Variants in MAF observed in about 807,000 individuals in gnomAD.
MAF encodes the protein MAF bZIP transcription factor.
In MAF, 10 loss-of-function variants were observed where a neutral mutation model predicts 22.0. The ratio of observed to expected loss-of-function variants is 0.45; its 90% CI spans 0.28 to 0.77. The LOEUF (loss-of-function observed/expected upper bound fraction) is 0.77, where lower values mean the gene tolerates loss of function less well. Ranked by LOEUF, MAF falls within the 30% of genes least tolerant of loss-of-function variation. The probability of loss-of-function intolerance (pLI) is 0.12; values close to 1 mark genes in which losing one functional copy is unlikely to be tolerated. For missense variants in MAF, 544 were observed against 548.4 expected, an observed-to-expected ratio of 0.99 and a Z score of 0.08; for synonymous variants, 337 against 255.8, an observed-to-expected ratio of 1.32 and a Z score of -3.03.
chr16:79,530,890 C>T, the MAF span, among the ~76,000 whole-genome samples: 3 of 152,242 alleles, frequency 2.0e-5, no homozygotes, highest in Non-Finnish European at 2.9e-5. Context: ...TCTCTGTAGC[C>T]AGAAAGGACT....
chr16:79,340,071 C>A, the MAF span, among the ~76,000 whole-genome samples: 1 of 152,186 alleles, frequency 6.6e-6, no homozygotes, highest in Admixed American at 6.5e-5. Flanking sequence ...AGTGCCTGTT[C>A]ATCCAATTAA....
chr16:79,571,490 G>A, the MAF span, among the ~76,000 whole-genome samples: 1 of 148,410 alleles, frequency 6.7e-6, no homozygotes, highest in Non-Finnish European at 1.5e-5. Context: ...CTAGCCTGGT[G>A]CAGTATTAGC....
At chr16:79,569,279 C>G in the MAF span, among the ~76,000 whole-genome samples, 1 of 152,204 alleles carries the variant, frequency 6.6e-6, no homozygotes, top group East Asian at 1.9e-4. Flanking sequence ...CAGTGGCCCC[C>G]CTGCCTTGAG....
chr16:79,531,642 A>T, the MAF span, among the ~76,000 whole-genome samples: 3 of 152,118 alleles, frequency 2.0e-5, no homozygotes, highest in Non-Finnish European at 4.4e-5. Context: ...CGCAGTTCAC[A>T]GTAGAGTTTG....
the MAF span, among the ~76,000 whole-genome samples, chr16:79,551,208 A>T: frequency 3.3e-5 from 5 of 152,056 alleles, no homozygotes; most frequent in Admixed American, 3.3e-4. Flanking sequence ...CTCCCACCAG[A>T]TTCCCTAAGG....
At chr16:79,247,263 A>G in the MAF span, among the ~76,000 whole-genome samples, 3 of 152,242 alleles carry the variant, frequency 2.0e-5, no homozygotes, top group Non-Finnish European at 4.4e-5. Flanking sequence ...TCAAAGGAGA[A>G]TAGTTTAAGA....
the MAF span, among the ~76,000 whole-genome samples, chr16:79,422,358 G>C: frequency 6.6e-6 from 1 of 152,076 alleles, no homozygotes; most frequent in East Asian, 1.9e-4. Flanking sequence ...GTTTTTATTA[G>C]TGCTCCAATA....
the MAF span, among the ~76,000 whole-genome samples, chr16:79,248,373 C>G: frequency 6.6e-6 from 1 of 152,124 alleles, no homozygotes; most frequent in Non-Finnish European, 1.5e-5. Flanking sequence ...CGAAGCTCTC[C>G]CACTTCTTTA....
chr16:79,491,206 CA>C, the MAF span, among the ~76,000 whole-genome samples: 1 of 152,126 alleles, frequency 6.6e-6, no homozygotes, highest in African/African-American at 2.4e-5. Context: ...CTGAAAACAG[CA>C]GTGAGGACCA....
At chr16:79,258,110 C>G in the MAF span, among the ~76,000 whole-genome samples, 1 of 152,144 alleles carries the variant, frequency 6.6e-6, no homozygotes, top group Admixed American at 6.5e-5. Context: ...TTCTGTGCTG[C>G]CTGTAAGCCG....
At chr16:79,216,156 A>G in the MAF span, among the ~76,000 whole-genome samples, 1 of 150,164 alleles carries the variant, frequency 6.7e-6, no homozygotes, top group Non-Finnish European at 1.5e-5. Context: ...GCACATCTGT[A>G]TATGTATGTC....
the MAF span, among the ~76,000 whole-genome samples, chr16:79,292,841 T>A: frequency 6.6e-6 from 1 of 152,210 alleles, no homozygotes; most frequent in African/African-American, 2.4e-5. Context: ...CCAATTATAA[T>A]GCATTAGCAT....
At chr16:79,445,100 C>A in the MAF span, among the ~76,000 whole-genome samples, 1 of 152,164 alleles carries the variant, frequency 6.6e-6, no homozygotes, top group African/African-American at 2.4e-5. Flanking sequence ...GCGGCACAAT[C>A]TCGGCTCACT....
At chr16:79,332,959 C>A in the MAF span, among the ~76,000 whole-genome samples, 2 of 152,226 alleles carry the variant, frequency 1.3e-5, no homozygotes, top group African/African-American at 2.4e-5. Context: ...TCTTTTTGCA[C>A]GTCACTGCCC....
chr16:79,211,990 T>A, the MAF span: 2 of 1,536,126 alleles, frequency 1.3e-6, no homozygotes, highest in South Asian at 2.4e-5. Context: ...AAGTATCACT[T>A]TTCTGGGGCT....
chr16:79,433,202 C>T, the MAF span, among the ~76,000 whole-genome samples: 2 of 151,240 alleles, frequency 1.3e-5, no homozygotes, highest in East Asian at 1.9e-4. Flanking sequence ...ATTATTTATA[C>T]TCCTTTTCTC....
the MAF span, among the ~76,000 whole-genome samples, chr16:79,432,760 C>T: frequency 6.6e-6 from 1 of 152,044 alleles, no homozygotes; most frequent in African/African-American, 2.4e-5. Flanking sequence ...ACACACAGAA[C>T]ATCATGTGAA....
the MAF span, among the ~76,000 whole-genome samples, chr16:79,348,848 G>A: frequency 6.6e-6 from 1 of 152,190 alleles, no homozygotes; most frequent in Non-Finnish European, 1.5e-5. Context: ...CCATTCTCGA[G>A]GGGCTAAATG....
At chr16:79,214,703 CT>C in the MAF span, among the ~76,000 whole-genome samples, 1,577 of 42,886 alleles carry the variant, frequency 0.037, 11 homozygotes, top group African/African-American at 0.094. Context: ...CTGTGCCTGG[CT>C]TTTTTTTTTT....
Sources: gnomAD v4.1 joint callset for allele counts (sites outside exome capture counted in the v4.1 genomes callset) on GRCh38, gnomAD v4.1.1 for gene constraint, MANE v1.5 for transcripts, NCBI Gene and HGNC (gene_info 2026-07-23, HGNC 2026-07-21) for gene names.